The following CA10 variants were observed in gnomAD, a reference collection of about 807,000 sequenced individuals.
The protein encoded by CA10 is carbonic anhydrase-related protein 10.
CA10 carries 14 observed loss-of-function variants against 44.2 expected under a neutral mutation model. That is an observed-to-expected ratio of 0.32 (90% CI 0.21 to 0.50). The LOEUF (loss-of-function observed/expected upper bound fraction) is 0.50. Ranked by LOEUF, CA10 falls within the 20% of genes least tolerant of loss-of-function variation. CA10 has a pLI of 0.99. For missense variants in CA10, 350 were observed against 409.7 expected (o/e 0.85, Z 1.26); for synonymous variants, 159 against 141.6 (o/e 1.12, Z -0.87).
chr17:51,904,712 C>G (rs1441716413), intron 3 of CA10, among the ~76,000 whole-genome samples: 1 of 152,130 alleles, frequency 6.6e-6, no homozygotes, highest in African/African-American at 2.4e-5. Context: ...AATGCCTTCT[C>G]TAATCTATCC....
At chr17:51,789,624 A>C (rs1906432118) in intron 3 of CA10, among the ~76,000 whole-genome samples, 2 of 151,738 alleles carry the variant, frequency 1.3e-5, no homozygotes, top group African/African-American at 4.8e-5. Context: ...TTCTCTGCCC[A>C]CTCTTGCCTC....
intron 2 of CA10, among the ~76,000 whole-genome samples, chr17:52,064,998 T>A (rs1029617528): frequency 6.6e-6 from 1 of 152,240 alleles, no homozygotes; most frequent in Admixed American, 6.5e-5. Context: ...CCAAATACTT[T>A]ATGTGGCCCA....
At chr17:51,940,940 A>T (rs1221320728) in intron 2 of CA10, among the ~76,000 whole-genome samples, 1 of 152,174 alleles carries the variant, frequency 6.6e-6, no homozygotes, top group East Asian at 1.9e-4. Flanking sequence ...ATTAGCAATG[A>T]TCATCATAGC....
chr17:52,022,791 A>C (rs1986184310), intron 2 of CA10, among the ~76,000 whole-genome samples: 1 of 152,134 alleles, frequency 6.6e-6, no homozygotes, highest in East Asian at 1.9e-4. Context: ...TACAAAAATC[A>C]GTACTATTTC....
chr17:51,963,200 A>G (rs1354765511), intron 2 of CA10, among the ~76,000 whole-genome samples: 3 of 152,154 alleles, frequency 2.0e-5, no homozygotes, highest in Non-Finnish European at 2.9e-5. Flanking sequence ...GAACTAACCC[A>G]GTCAGACAAA....
chr17:51,798,201 T>C (rs750751600), intron 3 of CA10, among the ~76,000 whole-genome samples: 1 of 152,234 alleles, frequency 6.6e-6, no homozygotes, highest in Non-Finnish European at 1.5e-5. Flanking sequence ...GGCAAGCACA[T>C]TTATTGATCA....
chr17:51,878,851 T>C lies in CA10; in HGVS notation c.279+52139A>G, dbSNP rs1186980671. Among the ~76,000 whole-genome samples the C allele has an allele frequency of 1.9e-4, 3 of 15,462 alleles. No homozygotes were observed. The East Asian group carries it at 0.015, about 77-fold the overall frequency. The allele number at this position is 15,462 out of a possible 152,430, so 10.1% of individuals were successfully genotyped here. On this transcript the variant is annotated intron_variant, in intron 3 of 8. Transcript: ENST00000451037. ...GTTCATATATATATATATATATATA[T>C]ATATATATATATATATATATATATA...
chr17:52,076,812 A>G (rs948338735), intron 1 of CA10, among the ~76,000 whole-genome samples: 1 of 152,156 alleles, frequency 6.6e-6, no homozygotes, highest in African/African-American at 2.4e-5. Context: ...TGTTGTTTAC[A>G]TGTGATTTGA....
At chr17:51,772,414 A>C (rs962216057) in intron 3 of CA10, among the ~76,000 whole-genome samples, 3 of 152,224 alleles carry the variant, frequency 2.0e-5, no homozygotes, top group African/African-American at 7.2e-5. Flanking sequence ...AAGCAAAAAA[A>C]AGTGATATAA....
chr17:51,761,368 T>C (rs1188260011), intron 3 of CA10: 1 of 152,204 alleles, frequency 6.6e-6, no homozygotes, highest in Non-Finnish European at 1.5e-5. Flanking sequence ...AACTCAGTAG[T>C]GCATAGCTTA....
chr17:51,708,521 G>A (rs1478613721), intron 4 of CA10, among the ~76,000 whole-genome samples: 2 of 152,122 alleles, frequency 1.3e-5, no homozygotes, highest in African/African-American at 4.8e-5. Context: ...ATCCAGTGAC[G>A]TATACTATCA....
chr17:51,935,009 A>G (rs1270427736), intron 2 of CA10, among the ~76,000 whole-genome samples: 4 of 152,122 alleles, frequency 2.6e-5, no homozygotes, highest in Non-Finnish European at 5.9e-5. Flanking sequence ...CATGCAGAGC[A>G]AGGATGGGCG....
chr17:51,691,514 T>C (rs773878449), intron 4 of CA10, among the ~76,000 whole-genome samples: 9 of 152,230 alleles, frequency 5.9e-5, no homozygotes, highest in Non-Finnish European at 1.0e-4. Context: ...ACTTTCCTTC[T>C]GTAGGTTGTC....
intron 3 of CA10, among the ~76,000 whole-genome samples, chr17:51,884,634 T>C (rs1980519717): frequency 6.6e-6 from 1 of 152,218 alleles, no homozygotes; most frequent in Non-Finnish European, 1.5e-5. Flanking sequence ...TCATAGCACT[T>C]AGTACAAAAT....
chr17:51,870,639 T>G (rs1021413771), intron 3 of CA10, among the ~76,000 whole-genome samples: 3 of 152,260 alleles, frequency 2.0e-5, no homozygotes, highest in Non-Finnish European at 4.4e-5. Flanking sequence ...TGAGCACTTA[T>G]TGACATGCTA....
At chr17:51,716,453 AATG>A (rs1291426980) in intron 4 of CA10, among the ~76,000 whole-genome samples, 1 of 152,070 alleles carries the variant, frequency 6.6e-6, no homozygotes, top group Admixed American at 6.5e-5. Context: ...GGCCTCGAAA[AATG>A]ATATTTATTC....
chr17:51,640,890 A>C (rs12449881), intron 6 of CA10, among the ~76,000 whole-genome samples: 105,533 of 151,936 alleles, frequency 0.69, 36,995 homozygotes, highest in South Asian at 0.8. Context: ...ACCAGAAGGG[A>C]GATTCTCCTC....
At chr17:51,751,409 T>G (rs968691028) in intron 3 of CA10, among the ~76,000 whole-genome samples, 1 of 152,222 alleles carries the variant, frequency 6.6e-6, no homozygotes, top group Non-Finnish European at 1.5e-5. Context: ...TTAAAATGGT[T>G]AAGATGGTAA....
intron 2 of CA10, among the ~76,000 whole-genome samples, chr17:51,957,257 C>T (rs1404899353): frequency 6.6e-6 from 1 of 152,050 alleles, no homozygotes; most frequent in Admixed American, 6.6e-5. Flanking sequence ...TCAAGGCAGG[C>T]CTTGTACCAT....
Sources: gnomAD v4.1 joint callset for allele counts (sites outside exome capture counted in the v4.1 genomes callset) on GRCh38, gnomAD v4.1.1 for gene constraint, MANE v1.5 for transcripts, NCBI Gene and HGNC (gene_info 2026-07-23, HGNC 2026-07-21) for gene names.